The following FIP1L1 variants were observed in gnomAD, a reference collection of about 807,000 sequenced individuals.
FIP1L1 encodes the protein pre-mRNA 3'-end-processing factor FIP1.
Under a neutral mutation model 84.6 loss-of-function variants are expected in FIP1L1, and 21 were observed. The ratio of observed to expected loss-of-function variants is 0.25; its 90% CI spans 0.18 to 0.36. The LOEUF (loss-of-function observed/expected upper bound fraction) is 0.36, where lower values mean the gene tolerates loss of function less well. Ranked by LOEUF, FIP1L1 falls within the 10% of genes least tolerant of loss-of-function variation. FIP1L1 has a pLI of 1.00. For synonymous variants in FIP1L1, 263 were observed against 242.3 expected, an observed-to-expected ratio of 1.09 and a Z score of -0.80; for missense variants, 526 against 751.1, an observed-to-expected ratio of 0.70 and a Z score of 3.50.
At position 53,382,339 on chromosome 4, in the gene FIP1L1, A is replaced by T; in HGVS notation, c.228+4A>T. On this transcript the variant is annotated splice_donor_region_variant and intron_variant, in intron 4 of 17. Coordinates refer to ENST00000337488, the MANE Select transcript of FIP1L1 (RefSeq NM_030917.4). ...TGAAAATGGTGTACCAAAACCGGTA[A>T]CATAAGGCTTTGAAATCCAGTTACT... 1 of 1,610,972 alleles carries T rather than the reference A, an allele frequency of 6.2e-7. No homozygotes were observed. The highest frequency in any genetic ancestry group is 2.2e-5 in the East Asian group (1 of 44,840).
chr4:53,440,040 C>T (rs566585795), intron 13 of FIP1L1, among the ~76,000 whole-genome samples: 1 of 152,012 alleles, frequency 6.6e-6, no homozygotes, highest in South Asian at 2.1e-4. Flanking sequence ...GTTTTTCCCC[C>T]TTTCTCTCCT....
At chr4:53,423,476 G>T (rs1485864985) in intron 11 of FIP1L1, among the ~76,000 whole-genome samples, 1 of 152,106 alleles carries the variant, frequency 6.6e-6, no homozygotes, top group Non-Finnish European at 1.5e-5. Flanking sequence ...AAGAACTTTC[G>T]TGGAATAATA....
At chr4:53,390,242 G>A (rs201817060) in intron 6 of FIP1L1, among the ~76,000 whole-genome samples, 1 of 152,078 alleles carries the variant, frequency 6.6e-6, no homozygotes, top group East Asian at 1.9e-4. Context: ...GCCCGGCCAA[G>A]GTGATAATAG....
chr4:53,459,229 A>C (rs2150515458), intron 17 of FIP1L1, 73 bp from the exon 18 acceptor site: 1 of 1,048,442 alleles, frequency 9.5e-7, no homozygotes. Flanking sequence ...GAATTTCCTT[A>C]GAGTGATTGG....
chr4:53,415,451 TACAG>T (rs1480557684), intron 11 of FIP1L1, among the ~76,000 whole-genome samples: 1 of 152,024 alleles, frequency 6.6e-6, no homozygotes, highest in East Asian at 1.9e-4. Context: ...GACTTCAAAA[TACAG>T]ACCAAGATAC....
intron 13 of FIP1L1, among the ~76,000 whole-genome samples, chr4:53,429,214 A>G (rs1456841496): frequency 2.6e-5 from 4 of 152,222 alleles, no homozygotes; most frequent in African/African-American, 7.2e-5. Context: ...TATGAGAAAA[A>G]TATGAAAAAA....
At chr4:53,420,180 A>C (rs1323077674) in intron 11 of FIP1L1, among the ~76,000 whole-genome samples, 1 of 119,918 alleles carries the variant, frequency 8.3e-6, no homozygotes, top group East Asian at 2.9e-4. Flanking sequence ...CCTGGACGAC[A>C]GAGGAAGACT....
At chr4:53,381,753 C>CTTTTATTTTTTTTTTTTTTTTTTT (rs1738051287) in intron 3 of FIP1L1, among the ~76,000 whole-genome samples, 1 of 87,948 alleles carries the variant, frequency 1.1e-5, no homozygotes, top group Non-Finnish European at 2.0e-5. Context: ...CATTTGCATT[C>CTTTTATTTTTTTTTTTTTTTTTTT]TTTTTTTTTT....
chr4:53,444,132 T>A, intron 15 of FIP1L1, 29 bp downstream of exon 15: 1 of 1,335,954 alleles, frequency 7.5e-7, no homozygotes, highest in Non-Finnish European at 1.1e-6. Flanking sequence ...ATGCCTAGAT[T>A]CAGTTTGAAT....
chr4:53,393,756 T>G (rs1236703454), intron 9 of FIP1L1, among the ~76,000 whole-genome samples: 1 of 54,362 alleles, frequency 1.8e-5, no homozygotes, highest in African/African-American at 5.5e-5. Context: ...GCATAGATTT[T>G]CCCCCCGGCC....
chr4:53,381,741 G>T (rs1397796005), intron 3 of FIP1L1, among the ~76,000 whole-genome samples: 1 of 102,654 alleles, frequency 9.7e-6, no homozygotes. Flanking sequence ...AAACTGTGAA[G>T]GCATTTGCAT....
intron 1 of FIP1L1, chr4:53,378,825 C>T (rs1736182309): frequency 6.1e-6 from 3 of 490,080 alleles, no homozygotes; most frequent in South Asian, 3.1e-5. Flanking sequence ...CTTTGGGCAC[C>T]ATGCAGGTCC....
intron 9 of FIP1L1, among the ~76,000 whole-genome samples, chr4:53,392,382 TG>T (rs374172887): frequency 0.011 from 1,613 of 152,392 alleles, 30 homozygotes; most frequent in South Asian, 0.078. Flanking sequence ...GTGCTATGTC[TG>T]CAGATACAAC....
intron 3 of FIP1L1, 36 bp downstream of exon 3, chr4:53,379,300 G>A (rs767365777): frequency 3.3e-5 from 50 of 1,530,150 alleles, no homozygotes; most frequent in Admixed American, 4.2e-5. Context: ...TATTACACAG[G>A]TTGTGTGAAA....
intron 10 of FIP1L1, among the ~76,000 whole-genome samples, chr4:53,410,106 C>T (rs1406236734): frequency 1.3e-5 from 2 of 152,194 alleles, no homozygotes; most frequent in African/African-American, 2.4e-5. Flanking sequence ...AGCTGTAGAC[C>T]GGAGTTGTTC....
intron 13 of FIP1L1, chr4:53,440,703 A>G: frequency 2.4e-6 from 2 of 847,580 alleles, no homozygotes; most frequent in Non-Finnish European, 3.9e-6. Context: ...CGGTTAGAAT[A>G]TGGAATAGGC....
intron 15 of FIP1L1, among the ~76,000 whole-genome samples, chr4:53,447,345 C>T (rs866270476): frequency 1.3e-5 from 2 of 151,928 alleles, no homozygotes; most frequent in South Asian, 2.1e-4. Context: ...TATTTTTGCT[C>T]CTCTTCTCAT....
At chr4:53,384,408 C>G (rs758946824) in intron 5 of FIP1L1, among the ~76,000 whole-genome samples, 1 of 148,674 alleles carries the variant, frequency 6.7e-6, no homozygotes, top group Non-Finnish European at 1.5e-5. Flanking sequence ...GACTCTGTCT[C>G]GAGAAAAAGA....
In FIP1L1 at chr4:53,385,402, T is replaced by C. The variant is rs550715161; in HGVS notation, c.332+1526T>C. Among the ~76,000 whole-genome samples the C allele has an allele frequency of 2.6e-5, 4 of 152,268 alleles. No homozygotes were observed. The East Asian group carries it at 5.8e-4, about 22-fold the overall frequency. On this transcript the variant is annotated intron_variant, in intron 5 of 17. Coordinates refer to ENST00000337488, the MANE Select transcript of FIP1L1 (RefSeq NM_030917.4). ...GTACCTTACTAAACTTTATTTCTTA[T>C]AGCAATTTTCAGTTTTATGCATTGT...
Sources: gnomAD v4.1 joint callset for allele counts (sites outside exome capture counted in the v4.1 genomes callset) on GRCh38, gnomAD v4.1.1 for gene constraint, MANE v1.5 for transcripts, NCBI Gene and HGNC (gene_info 2026-07-23, HGNC 2026-07-21) for gene names.